Variants in CELA2B observed in about 807,000 individuals in gnomAD.
CELA2B encodes chymotrypsin-like elastase family member 2B.
A neutral mutation model predicts 36.5 loss-of-function variants in CELA2B; 27 were observed. That is an observed-to-expected ratio of 0.74 (90% CI 0.55 to 1.02). The LOEUF is 1.02. Among genes scored for constraint, CELA2B ranks in the 50% least tolerant of loss-of-function variants. The pLI is 0.00. For synonymous variants in CELA2B, 143 were observed against 148.5 expected (o/e 0.96, Z 0.27); for missense variants, 340 against 347.8 (o/e 0.98, Z 0.18).
intron 2 of CELA2B, among the ~76,000 whole-genome samples, chr1:15,479,822 C>A (rs1301346195): frequency 6.6e-6 from 1 of 152,204 alleles, no homozygotes; most frequent in East Asian, 1.9e-4. Flanking sequence ...CAAGAATATT[C>A]CAGGGAGGAG....
intron 5 of CELA2B, 90 bp from the exon 6 acceptor site, chr1:15,485,811 T>C (rs2103314667): frequency 1.3e-6 from 2 of 1,481,632 alleles, no homozygotes; most frequent in Non-Finnish European, 1.9e-6. Context: ...GGATGGAAGA[T>C]GGTAACAGGG....
At chr1:15,480,364 C>T (rs919705860) in intron 2 of CELA2B, among the ~76,000 whole-genome samples, 23 of 152,178 alleles carry the variant, frequency 1.5e-4, no homozygotes, top group African/African-American at 4.8e-4. Context: ...CATGCACCAC[C>T]ACACCCAGTG....
intron 6 of CELA2B, among the ~76,000 whole-genome samples, chr1:15,486,604 T>C (rs1708807891): frequency 1.3e-5 from 2 of 152,242 alleles, no homozygotes; most frequent in African/African-American, 4.8e-5. Context: ...TGACTGTCCT[T>C]CTGTATCCTT....
Position 15,483,372 on chromosome 1 carries a change from C to T in CELA2B, c.465C>T (p.Cys155=), listed in dbSNP as rs751418118. 5.6e-6 allele frequency: 9 copies of T among 1,614,124 alleles called. No individual in the cohort carries two copies. In the South Asian group the frequency reaches 7.7e-5, roughly 14 times the overall value. The change falls in exon 5 of 8, where the codon TGC becomes TGT. Residue 155 remains cysteine, a synonymous_variant. Coordinates refer to ENST00000375910, the MANE Select transcript of CELA2B (RefSeq NM_015849.3). ...CCATTCTACCCAACAACTACCCCTG[C>T]TACGTCACGGGCTGGGGAAGGCTGC... ...AGTILPNNYP[C]YVTGWGRLQT...
chr1:15,476,474 T>A lies in CELA2B; in HGVS notation c.58T>A (p.Ser20Thr). Residue 20 changes from serine to threonine, a missense_variant, in exon 2 of 8, where the codon TCC becomes ACC. By Grantham distance (58) the Ser-to-Thr change is moderately conservative. Transcript: ENST00000375910. ...LVAGALSCGV[S>T]TYAPDMSRML... Reference sequence around the variant, plus strand: ...TTTCACAGCCCTCAGTTGTGGGGTCTCCACTTACGCGCCTGATATGTCTAG... The same window carrying A: ...TTTCACAGCCCTCAGTTGTGGGGTCACCACTTACGCGCCTGATATGTCTAG... The A allele has an allele frequency of 6.2e-7, 1 of 1,614,152 alleles. No homozygotes were observed. Among genetic ancestry groups the A allele is most frequent in the East Asian group, 2.2e-5 (1 of 44,886 alleles).
At chr1:15,489,678 T>A (rs1708850233) in intron 7 of CELA2B, among the ~76,000 whole-genome samples, 1 of 152,178 alleles carries the variant, frequency 6.6e-6, no homozygotes, top group South Asian at 2.1e-4. Flanking sequence ...CCTGCGGCAT[T>A]CATCCTTTCA....
At position 15,485,964 on chromosome 1, in the gene CELA2B, G is replaced by A; in HGVS notation, c.557G>A (p.Cys186Tyr). 1 of 1,614,220 alleles carries A rather than the reference G, an allele frequency of 6.2e-7. No homozygotes were observed. Among genetic ancestry groups the A allele is most frequent in the Non-Finnish European group, 8.5e-7 (1 of 1,180,040 alleles). The change falls in exon 6 of 8, where the codon TGC (cysteine) becomes TAC (tyrosine). Residue 186 changes from cysteine to tyrosine, a missense_variant. By Grantham distance (194) the Cys-to-Tyr change is radical (BLOSUM62 -2). Coordinates refer to ENST00000375910, the MANE Select transcript of CELA2B (RefSeq NM_015849.3). ...GQLLVVDYATCSSSGWWGSTV... is the reference protein window; with the variant it reads ...GQLLVVDYATYSSSGWWGSTV... ...TTGCTGGTTGTGGACTATGCCACCT[G>A]CTCCAGCTCTGGCTGGTGGGGCAGC...
intron 3 of CELA2B, chr1:15,481,679 T>G: frequency 4.2e-6 from 2 of 471,628 alleles, no homozygotes; most frequent in Non-Finnish European, 8.8e-6. Flanking sequence ...TCTGCAACGT[T>G]GTTCACTTAT....
In CELA2B at chr1:15,482,233, G is replaced by A. The variant is rs770956773; in HGVS notation, c.228-32G>A. On this transcript the variant is annotated intron_variant, in intron 3 of 7. Coordinates refer to ENST00000375910, the MANE Select transcript of CELA2B (RefSeq NM_015849.3). ...ATTATTCAAAGCCAGGCCTCTGGAG[G>A]TGACCCTCTCCCTGGGACCCCTTTC... 27 of 1,611,984 alleles carry A rather than the reference G, an allele frequency of 1.7e-5. No homozygotes were observed. In the Admixed American group the frequency reaches 4.0e-4, roughly 24 times the overall value.
chr1:15,484,027 G>C (rs999324080), intron 5 of CELA2B, among the ~76,000 whole-genome samples: 48 of 152,142 alleles, frequency 3.2e-4, no homozygotes, highest in African/African-American at 9.4e-4. Flanking sequence ...GGTAGGTGCT[G>C]TGTGTTAGTT....
At position 15,476,532 on chromosome 1, in the gene CELA2B, G is replaced by A. The variant is rs1196128873; in HGVS notation, c.116G>A (p.Ser39Asn). The change falls in exon 2 of 8, where the codon AGC (serine) becomes AAC (asparagine). Residue 39 changes from serine to asparagine, a missense_variant. Transcript: ENST00000375910. ...MLGGEEARPN[S>N]WPWQVSLQYS... ...GGAGGTGAAGAAGCGAGGCCCAACA[G>A]CTGGCCCTGGCAGGTGAGTTGACCA... 6.2e-7 allele frequency: 1 copy of A among 1,613,864 alleles called. No individual in the cohort carries two copies. The highest frequency in any genetic ancestry group is 2.2e-5 in the East Asian group (1 of 44,868).
Position 15,491,323 on chromosome 1 carries a change from T to C in CELA2B, c.*11T>C, listed in dbSNP as rs376980242. On this transcript the variant is annotated 3_prime_UTR_variant, in exon 8 of 8. Coordinates refer to ENST00000375910, the MANE Select transcript of CELA2B (RefSeq NM_015849.3). ...ATTGCAAATAACTAACCAAAAGAAG[T>C]CCCTGGGACTGTTTCAGACTTGGAA... The C allele has an allele frequency of 3.8e-5, 61 of 1,613,950 alleles. No individual in the cohort carries two copies. Among genetic ancestry groups the C allele is most frequent in the Non-Finnish European group, 5.1e-5 (60 of 1,179,978 alleles).
intron 7 of CELA2B, among the ~76,000 whole-genome samples, chr1:15,490,302 T>C (rs1395933562): frequency 2.0e-5 from 3 of 152,160 alleles, no homozygotes; most frequent in Non-Finnish European, 4.4e-5. Flanking sequence ...AAGCAAAAAC[T>C]AGGATCTGAG....
chr1:15,485,946 T>G lies in CELA2B; in HGVS notation c.539T>G (p.Val180Gly), dbSNP rs201761312. ...PDDLKQGQLLVVDYATCSSSG... is the reference protein window; with the variant it reads ...PDDLKQGQLLGVDYATCSSSG... ...GACCTGAAGCAGGGCCAGTTGCTGG[T>G]TGTGGACTATGCCACCTGCTCCAGC... Residue 180 changes from valine to glycine, a missense_variant, in exon 6 of 8, where the codon GTT becomes GGT. By Grantham distance (109) the Val-to-Gly change is moderately radical. Coordinates refer to ENST00000375910, the MANE Select transcript of CELA2B (RefSeq NM_015849.3). 32 of 1,614,202 alleles carry G rather than the reference T, an allele frequency of 2.0e-5. No individual in the cohort carries two copies. The highest frequency in any genetic ancestry group is 2.6e-5 in the Non-Finnish European group (31 of 1,180,038).
chr1:15,482,519 C>G, intron 4 of CELA2B, 126 bp downstream of exon 4: 2 of 1,369,456 alleles, frequency 1.5e-6, no homozygotes, highest in South Asian at 1.3e-5. Context: ...GAAAGGAGCT[C>G]TGGCCTATTA....
chr1:15,479,123 G>A (rs557905155), intron 2 of CELA2B, among the ~76,000 whole-genome samples: 1 of 152,322 alleles, frequency 6.6e-6, no homozygotes, highest in African/African-American at 2.4e-5. Flanking sequence ...TTTTTAAATT[G>A]GGGTGGGGGA....
chr1:15,487,608 C>T (rs1411660054), intron 7 of CELA2B, among the ~76,000 whole-genome samples, 171 bp downstream of exon 7: 1 of 152,182 alleles, frequency 6.6e-6, no homozygotes, highest in Non-Finnish European at 1.5e-5. Context: ...CATGGGTCCC[C>T]AAAATTTCTG....
Position 15,485,994 on chromosome 1 carries a change from T to G in CELA2B, c.587T>G (p.Val196Gly), listed in dbSNP as rs770320071. The G allele has an allele frequency of 8.1e-6, 13 of 1,614,026 alleles. No individual in the cohort carries two copies. In the African/African-American group the frequency reaches 1.6e-4, roughly 20 times the overall value. ...CSSSGWWGST[V>G]KTNMICAGGD... ...AGCTCTGGCTGGTGGGGCAGCACCG[T>G]GAAGACGAATATGATCTGTGCTGGG... The change falls in exon 6 of 8, where the codon GTG (valine) becomes GGG (glycine). Residue 196 changes from valine to glycine, a missense_variant. By Grantham distance (109) the Val-to-Gly change is moderately radical. Coordinates refer to ENST00000375910, the MANE Select transcript of CELA2B (RefSeq NM_015849.3).
intron 7 of CELA2B, among the ~76,000 whole-genome samples, chr1:15,489,726 A>T (rs535877589): frequency 6.6e-6 from 1 of 152,354 alleles, no homozygotes; most frequent in African/African-American, 2.4e-5. Flanking sequence ...CATGAACTCC[A>T]GCAATCCTTA....
Sources: gnomAD v4.1 joint callset for allele counts (sites outside exome capture counted in the v4.1 genomes callset) on GRCh38, gnomAD v4.1.1 for gene constraint, MANE v1.5 for transcripts, NCBI Gene and HGNC (gene_info 2026-07-23, HGNC 2026-07-21) for gene names.